Variants in CFAP68 observed in about 807,000 individuals in gnomAD.
CFAP68 encodes cilia and flagella associated protein 68.
chr11:111,879,740 G>A, the CFAP68 span: 1 of 983,236 alleles, frequency 1.0e-6, no homozygotes, highest in Non-Finnish European at 1.6e-6. Flanking sequence ...CCTGCAGTCT[G>A]GTGGGGAATG....
the CFAP68 span, chr11:111,883,142 C>T: frequency 1.3e-6 from 2 of 1,576,902 alleles, no homozygotes; most frequent in Admixed American, 1.8e-5. Context: ...CCAGTTTGGA[C>T]ACTACTTTGA....
the CFAP68 span, chr11:111,882,453 G>A: frequency 8.1e-6 from 13 of 1,613,956 alleles, no homozygotes; most frequent in Non-Finnish European, 1.0e-5. Flanking sequence ...TGGACAGATT[G>A]GAATAATATG....
At chr11:111,884,209 C>T in the CFAP68 span, 6 of 197,810 alleles carry the variant, frequency 3.0e-5, no homozygotes, top group East Asian at 3.2e-4. Flanking sequence ...CACGGTGGCT[C>T]ATGCCTGTAA....
the CFAP68 span, chr11:111,881,535 A>G: frequency 7.2e-6 from 11 of 1,535,982 alleles, no homozygotes; most frequent in African/African-American, 1.2e-4. Context: ...GGAACAGCCA[A>G]GTAAGGATTT....
the CFAP68 span, chr11:111,881,374 A>G: frequency 1.9e-5 from 29 of 1,500,548 alleles, no homozygotes; most frequent in Non-Finnish European, 2.6e-5. Context: ...GTCATCCTTC[A>G]ATGCTGCATT....
At chr11:111,881,443 A>G in the CFAP68 span, 5 of 1,535,376 alleles carry the variant, frequency 3.3e-6, no homozygotes, top group Non-Finnish European at 4.4e-6. Context: ...AATCATGGCC[A>G]CTTGCCCATG....
At chr11:111,881,082 G>A in the CFAP68 span, 3 of 572,016 alleles carry the variant, frequency 5.2e-6, no homozygotes, top group East Asian at 8.0e-5. Context: ...GGAATGGAGG[G>A]TGGCAGTCTG....
chr11:111,885,950 T>C, the CFAP68 span: 1 of 152,182 alleles, frequency 6.6e-6, no homozygotes, highest in South Asian at 2.1e-4. Flanking sequence ...ATGCCATTTT[T>C]ATTGTAAATA....
chr11:111,885,508 G>C, the CFAP68 span: 16 of 152,194 alleles, frequency 1.1e-4, no homozygotes, highest in African/African-American at 3.9e-4. Flanking sequence ...GAGGATGTTA[G>C]AGTAAGGTAT....
chr11:111,882,405 G>C, the CFAP68 span: 1 of 1,614,124 alleles, frequency 6.2e-7, no homozygotes, highest in Middle Eastern at 1.6e-4. Flanking sequence ...AACCCACACT[G>C]TGGCAGCCTT....
At chr11:111,885,504 G>A in the CFAP68 span, 1 of 152,174 alleles carries the variant, frequency 6.6e-6, no homozygotes, top group Non-Finnish European at 1.5e-5. Context: ...AAGGGAGGAT[G>A]TTAGAGTAAG....
chr11:111,881,999 ACTT>A, the CFAP68 span, among the ~76,000 whole-genome samples: 1 of 152,296 alleles, frequency 6.6e-6, no homozygotes, highest in East Asian at 1.9e-4. Flanking sequence ...CTCAACTCTC[ACTT>A]CTTTTTGTTC....
chr11:111,880,112 G>C, the CFAP68 span, among the ~76,000 whole-genome samples: 1 of 152,164 alleles, frequency 6.6e-6, no homozygotes, highest in Non-Finnish European at 1.5e-5. Flanking sequence ...GTACAGGTTT[G>C]TTACGTGGAT....
At chr11:111,880,047 G>T in the CFAP68 span, among the ~76,000 whole-genome samples, 2 of 152,320 alleles carry the variant, frequency 1.3e-5, no homozygotes, top group African/African-American at 4.8e-5. Context: ...AGGTCATAGG[G>T]AGCGTTGTAA....
At chr11:111,882,653 TGTA>T in the CFAP68 span, 313 of 1,414,342 alleles carry the variant, frequency 2.2e-4, 2 homozygotes, top group South Asian at 4.1e-3. Flanking sequence ...GCAAAAGAAA[TGTA>T]GTGGCCATTT....
chr11:111,882,655 T>A, the CFAP68 span: 1 of 1,404,824 alleles, frequency 7.1e-7, no homozygotes, highest in Non-Finnish European at 9.6e-7. Context: ...AAAAGAAATG[T>A]AGTGGCCATT....
At chr11:111,882,354 T>A in the CFAP68 span, 1 of 1,603,040 alleles carries the variant, frequency 6.2e-7, no homozygotes, top group African/African-American at 1.3e-5. Flanking sequence ...TTTTCTATTC[T>A]TGTCTTTTCC....
the CFAP68 span, chr11:111,879,661 C>A: frequency 6.4e-7 from 1 of 1,557,148 alleles, no homozygotes. Context: ...GTGTCTATTG[C>A]GTGCCAGGCC....
the CFAP68 span, chr11:111,882,460 T>C: frequency 6.2e-6 from 10 of 1,614,128 alleles, no homozygotes; most frequent in Non-Finnish European, 7.6e-6. Context: ...ATTGGAATAA[T>C]ATGTCCAAGT....
Sources: allele counts gnomAD v4.1 joint callset (sites outside exome capture counted in the v4.1 genomes callset), GRCh38; gene constraint gnomAD v4.1.1; transcripts MANE v1.5; gene names NCBI Gene and HGNC (gene_info 2026-07-23, HGNC 2026-07-21).